Variants in HSD17B11 observed in about 807,000 individuals in gnomAD.
HSD17B11 encodes hydroxysteroid 17-beta dehydrogenase 11, also known as estradiol 17-beta-dehydrogenase 11.
In HSD17B11, 22 loss-of-function variants were observed where a neutral mutation model predicts 27.8. That is an observed-to-expected ratio of 0.79 (90% CI 0.56 to 1.13). The LOEUF is 1.13. HSD17B11 is among the 50% of genes most tolerant of loss of function. The probability of loss-of-function intolerance (pLI) is 0.00; values close to 1 mark genes in which losing one functional copy is unlikely to be tolerated. For missense variants in HSD17B11, 314 were observed against 351.1 expected, an observed-to-expected ratio of 0.89 and a Z score of 0.84; for synonymous variants, 117 against 132.8, an observed-to-expected ratio of 0.88 and a Z score of 0.82.
intron 5 of HSD17B11, among the ~76,000 whole-genome samples, chr4:87,344,601 CA>C: frequency 6.6e-6 from 1 of 152,264 alleles, no homozygotes; most frequent in South Asian, 2.1e-4. Flanking sequence ...AAGAACTAGA[CA>C]GAAGACCAGC....
chr4:87,339,304 T>C (rs964505861), intron 6 of HSD17B11, among the ~76,000 whole-genome samples: 3 of 152,210 alleles, frequency 2.0e-5, no homozygotes, highest in Non-Finnish European at 4.4e-5. Flanking sequence ...TTCATCATAG[T>C]TTTTAGCAGA....
At chr4:87,339,474 T>C (rs1182587666) in intron 6 of HSD17B11, among the ~76,000 whole-genome samples, 2 of 152,206 alleles carry the variant, frequency 1.3e-5, no homozygotes, top group Non-Finnish European at 2.9e-5. Flanking sequence ...TGTTAAAATC[T>C]TTAGAAGTGA....
rs559576037 is a variant in HSD17B11 at position 87,359,231 on chromosome 4, G to T, written c.558-1815C>A. ...AGCAGGGTGAGAGGGGACTAATACA[G>T]AAGGCTTAAAAGAAAGATTGTTAGA... On this transcript the variant is annotated intron_variant, in intron 4 of 6. Coordinates refer to ENST00000358290, the MANE Select transcript of HSD17B11 (RefSeq NM_016245.5). Among the ~76,000 whole-genome samples, 8 of 152,258 alleles carry T rather than the reference G, an allele frequency of 5.3e-5. No individual in the cohort carries two copies. In the South Asian group the frequency reaches 1.7e-3, roughly 32 times the overall value.
chr4:87,385,405 T>C (rs1415013842), intron 1 of HSD17B11, among the ~76,000 whole-genome samples: 2 of 152,200 alleles, frequency 1.3e-5, no homozygotes, highest in East Asian at 3.9e-4. Context: ...AGAATGGTTG[T>C]TGCCAGGACC....
intron 5 of HSD17B11, among the ~76,000 whole-genome samples, chr4:87,341,159 T>C (rs1418878424): frequency 6.6e-6 from 1 of 152,016 alleles, no homozygotes; most frequent in Non-Finnish European, 1.5e-5. Context: ...TTTTTGGTTG[T>C]TGTTGTTTTT....
intron 4 of HSD17B11, among the ~76,000 whole-genome samples, chr4:87,369,583 A>G (rs1735672771): frequency 6.6e-6 from 1 of 152,040 alleles, no homozygotes. Flanking sequence ...ACAAGCACGC[A>G]CCACCACACT....
chr4:87,339,003 G>A (rs1367092561), intron 6 of HSD17B11, among the ~76,000 whole-genome samples: 1 of 151,944 alleles, frequency 6.6e-6, no homozygotes, highest in East Asian at 1.9e-4. Context: ...CAACTCCAGA[G>A]CACAAACTTT....
At position 87,386,233 on chromosome 4, in the gene HSD17B11, C is replaced by T. The variant is rs182147484; in HGVS notation, c.211-3871G>A. Among the ~76,000 whole-genome samples the T allele has an allele frequency of 7.6e-3, 1,145 of 149,862 alleles. 6 individuals are homozygous for T. The highest frequency in any genetic ancestry group is 9.4e-3 in the Non-Finnish European group (637 of 67,732). On this transcript the variant is annotated intron_variant, in intron 1 of 6. Coordinates refer to ENST00000358290, the MANE Select transcript of HSD17B11 (RefSeq NM_016245.5). ...TTTTTTTTTTTCTGAGATGGAGTCT[C>T]GCTCTGTCACCCAGCCTGGAGTGCA... is the stretch of plus-strand genomic sequence containing the variant.
chr4:87,357,597 A>G (rs750297909), intron 4 of HSD17B11, among the ~76,000 whole-genome samples, 181 bp from the exon 5 acceptor site: 24 of 152,212 alleles, frequency 1.6e-4, no homozygotes, highest in Non-Finnish European at 3.1e-4. Flanking sequence ...TAGGCACATT[A>G]AGGTCCAAGA....
At position 87,370,750 on chromosome 4, in the gene HSD17B11, TTATTA is replaced by T. The variant is rs1417463276; in HGVS notation, c.557+1954_557+1958del. 0.012 allele frequency among the ~76,000 whole-genome samples: 42 copies of T among 3,390 alleles called. No homozygotes were observed. The East Asian group carries it at 0.14, about 12-fold the overall frequency. 2.2% of individuals were successfully genotyped at this position (3,390 alleles called of 152,430 possible). A position where few individuals can be genotyped will look rare whatever the true frequency, so the allele number is the denominator to read the frequency against. On this transcript the variant is annotated intron_variant, in intron 4 of 6. Coordinates refer to ENST00000358290, the MANE Select transcript of HSD17B11 (RefSeq NM_016245.5). ...ATTATTATTATTATTATTATTATTA[TTATTA>T]TTTTTTTTTTTTTTTGAGACGGAGT...
chr4:87,362,998 T>C (rs1434903143), intron 4 of HSD17B11, among the ~76,000 whole-genome samples: 2 of 152,092 alleles, frequency 1.3e-5, no homozygotes, highest in Admixed American at 6.5e-5. Flanking sequence ...AAGTCAGAGG[T>C]TGGATTAAAG....
chr4:87,388,201 T>C (rs892869693), intron 1 of HSD17B11, among the ~76,000 whole-genome samples: 7 of 151,882 alleles, frequency 4.6e-5, no homozygotes, highest in Non-Finnish European at 1.0e-4. Context: ...GCATATTTTA[T>C]TTAACCCAAC....
chr4:87,368,551 C>CA lies in HSD17B11; in HGVS notation c.557+4157dup, dbSNP rs1349531911. Among the ~76,000 whole-genome samples the CA allele has an allele frequency of 7.9e-5, 12 of 152,262 alleles. No individual in the cohort carries two copies. In the East Asian group the frequency reaches 2.3e-3, roughly 29 times the overall value. On this transcript the variant is annotated intron_variant, in intron 4 of 6. Transcript: ENST00000358290. ...AAGGGAAGGGGGAAATGTCAAGAGGCATGTGAAACAGAACAACTCCATCTT... is the reference window on the plus strand; with the variant it reads ...AAGGGAAGGGGGAAATGTCAAGAGGCAATGTGAAACAGAACAACTCCATCTT...
At chr4:87,379,988 G>A (rs1032303566) in intron 2 of HSD17B11, among the ~76,000 whole-genome samples, 3 of 148,448 alleles carry the variant, frequency 2.0e-5, no homozygotes, top group African/African-American at 7.4e-5. Context: ...GTATCTGCCT[G>A]TAATCCCAGC....
In HSD17B11 at chr4:87,358,188, C is replaced by T. The variant is rs190516059; in HGVS notation, c.558-772G>A. ...ATGTTAGCCAGGATGGTCTCGATTTCCTGACCTCGTGATCTGCCCACCTCG... is the reference window on the plus strand; with the variant it reads ...ATGTTAGCCAGGATGGTCTCGATTTTCTGACCTCGTGATCTGCCCACCTCG... On this transcript the variant is annotated intron_variant, in intron 4 of 6. Transcript: ENST00000358290. 3.2e-4 allele frequency among the ~76,000 whole-genome samples: 48 copies of T among 152,118 alleles called. 1 individual carries two copies. In the East Asian group the frequency reaches 8.7e-3, roughly 28 times the overall value.
rs868437027 is a variant in HSD17B11 at position 87,378,877 on chromosome 4, T to C, written c.318+3378A>G. On this transcript the variant is annotated intron_variant, in intron 2 of 6. Transcript: ENST00000358290. ...ATATAAATATATATAAATATATATA[T>C]ATAAATATATATATATAAATATATA... Among the ~76,000 whole-genome samples the C allele has an allele frequency of 1.1e-3, 19 of 16,608 alleles. 2 individuals are homozygous for C. The highest frequency in any genetic ancestry group is 1.7e-3 in the South Asian group (1 of 576). 10.9% of individuals were successfully genotyped at this position (16,608 alleles called of 152,430 possible).
chr4:87,342,463 T>TTGGC (rs1449072637), intron 5 of HSD17B11, among the ~76,000 whole-genome samples: 35 of 136,072 alleles, frequency 2.6e-4, no homozygotes, highest in African/African-American at 1.3e-3. Context: ...TCTTAGCAAT[T>TTGGC]TGGGAGGGTT....
intron 4 of HSD17B11, among the ~76,000 whole-genome samples, chr4:87,365,131 T>C (rs1312293850): frequency 6.6e-6 from 1 of 152,108 alleles, no homozygotes; most frequent in Admixed American, 6.5e-5. Flanking sequence ...ATCATGCCAC[T>C]GCACTCCAGC....
chr4:87,344,944 A>C (rs1735242407), intron 5 of HSD17B11, among the ~76,000 whole-genome samples: 1 of 152,236 alleles, frequency 6.6e-6, no homozygotes, highest in African/African-American at 2.4e-5. Flanking sequence ...TTTGAGGTGA[A>C]CATAAATGAG....
Sources: gnomAD v4.1 joint callset for allele counts (sites outside exome capture counted in the v4.1 genomes callset) on GRCh38, gnomAD v4.1.1 for gene constraint, MANE v1.5 for transcripts, NCBI Gene and HGNC (gene_info 2026-07-23, HGNC 2026-07-21) for gene names.